Variants in TANC2 observed in about 807,000 individuals in gnomAD.
The protein encoded by TANC2 is tetratricopeptide repeat, ankyrin repeat and coiled-coil containing 2.
Under a neutral mutation model 210.5 loss-of-function variants are expected in TANC2, and 26 were observed. That is an observed-to-expected ratio of 0.12 (90% CI 0.09 to 0.17). The LOEUF (loss-of-function observed/expected upper bound fraction) is 0.17. Among genes scored for constraint, TANC2 ranks in the 10% least tolerant of loss-of-function variants. The probability of loss-of-function intolerance (pLI) is 1.00; values close to 1 mark genes in which losing one functional copy is unlikely to be tolerated. For synonymous variants in TANC2, 931 were observed against 967.1 expected (o/e 0.96, Z 0.69); for missense variants, 2,129 against 2,608.9 (o/e 0.82, Z 4.01).
intron 18 of TANC2, chr17:63,396,236 A>G: frequency 3.4e-6 from 1 of 297,560 alleles, no homozygotes; most frequent in East Asian, 7.4e-5. Flanking sequence ...ATTGAGGTGT[A>G]GTCACATGGT....
chr17:63,098,462 A>T (rs1388763968), intron 3 of TANC2, among the ~76,000 whole-genome samples: 1,686 of 42,860 alleles, frequency 0.039, 72 homozygotes, highest in African/African-American at 0.16. Context: ...ACACACACAC[A>T]CACACACACA....
In TANC2 at chr17:62,973,921, AGCC is replaced by A. The variant is rs533398823; in HGVS notation, c.-24+7173_-24+7175del. ...CATAAAGAAAGTTCCATTGGAACTT[AGCC>A]ATATTCACTTATTTACATATTGGGT... On this transcript the variant is annotated intron_variant, in intron 1 of 27. Coordinates refer to ENST00000689528, the Ensembl canonical transcript of TANC2. Among the ~76,000 whole-genome samples, 44 of 152,370 alleles carry A rather than the reference AGCC, an allele frequency of 2.9e-4. 1 individual carries two copies. The highest frequency in any genetic ancestry group is 1.5e-3 in the Admixed American group (23 of 15,310).
chr17:63,377,149 C>T (rs1174336221), intron 14 of TANC2, among the ~76,000 whole-genome samples: 1 of 152,224 alleles, frequency 6.6e-6, no homozygotes, highest in Non-Finnish European at 1.5e-5. Context: ...CCACTTTTTC[C>T]TCCTAGGCCT....
At chr17:63,371,362 A>G (rs1324667820) in intron 14 of TANC2, among the ~76,000 whole-genome samples, 2 of 151,970 alleles carry the variant, frequency 1.3e-5, no homozygotes, top group African/African-American at 4.8e-5. Flanking sequence ...GCTACTCAGG[A>G]GGCTGAGGCA....
chr17:63,159,799 G>T (rs958439817), intron 5 of TANC2, among the ~76,000 whole-genome samples: 1 of 152,152 alleles, frequency 6.6e-6, no homozygotes, highest in African/African-American at 2.4e-5. Context: ...TGGGAGGGGG[G>T]TCCTGAAATC....
intron 14 of TANC2, among the ~76,000 whole-genome samples, chr17:63,371,979 C>T (rs1052783884): frequency 6.6e-6 from 1 of 152,138 alleles, no homozygotes; most frequent in Non-Finnish European, 1.5e-5. Context: ...AGAATTTGCT[C>T]TCTGCTATCC....
exon 10 of TANC2, chr17:63,314,667 A>C: frequency 1.2e-6 from 2 of 1,612,830 alleles, no homozygotes; most frequent in Non-Finnish European, 1.7e-6. Flanking sequence ...GCCTCCCCCA[A>C]ACGTACGTAT....
intron 9 of TANC2, among the ~76,000 whole-genome samples, chr17:63,285,047 C>T (rs2044179024): frequency 6.6e-6 from 1 of 152,040 alleles, no homozygotes; most frequent in Non-Finnish European, 1.5e-5. Context: ...AACCACTCCA[C>T]CTTTCTATTA....
chr17:63,400,447 T>C (rs1004797103), intron 19 of TANC2, among the ~76,000 whole-genome samples: 10 of 152,296 alleles, frequency 6.6e-5, no homozygotes, highest in East Asian at 1.9e-4. Flanking sequence ...CCTTAAAGTA[T>C]ACAATAAATT....
chr17:63,392,540 C>T (rs562054202), intron 17 of TANC2, among the ~76,000 whole-genome samples: 40 of 152,326 alleles, frequency 2.6e-4, no homozygotes, highest in African/African-American at 9.6e-4. Context: ...CTGCCACTAT[C>T]CCCCTGAATT....
At chr17:63,012,160 G>A (rs777843138) in intron 2 of TANC2, among the ~76,000 whole-genome samples, 2 of 151,884 alleles carry the variant, frequency 1.3e-5, no homozygotes, top group Non-Finnish European at 2.9e-5. Flanking sequence ...GGGACTACAG[G>A]TGTACACCAC....
rs181322912 is a variant in TANC2, at chr17:63,358,650, G to A, written c.2582+3260G>A. On this transcript the variant is annotated intron_variant, in intron 14 of 27. Coordinates refer to ENST00000689528, the Ensembl canonical transcript of TANC2. Reference sequence around the variant, plus strand: ...AGATTAACTCACTAATTTAATAAGCGAATTCCTGCTATTATGCTAATAGTA... The same window carrying A: ...AGATTAACTCACTAATTTAATAAGCAAATTCCTGCTATTATGCTAATAGTA... 4.1e-4 allele frequency among the ~76,000 whole-genome samples: 62 copies of A among 152,064 alleles called. 1 individual carries two copies. Among genetic ancestry groups the A allele is most frequent in the Middle Eastern group, 6.8e-3 (2 of 294 alleles).
intron 7 of TANC2, among the ~76,000 whole-genome samples, chr17:63,225,098 T>G (rs1409178133): frequency 6.6e-6 from 1 of 152,222 alleles, no homozygotes; most frequent in Non-Finnish European, 1.5e-5. Context: ...TCACCTTTTC[T>G]TAATTTCATC....
intron 5 of TANC2, among the ~76,000 whole-genome samples, chr17:63,180,271 C>T (rs2040735670): frequency 6.6e-6 from 1 of 152,196 alleles, no homozygotes; most frequent in Non-Finnish European, 1.5e-5. Flanking sequence ...ATATGTTTAA[C>T]ACTCAATGGG....
chr17:63,311,010 A>C (rs965803222), intron 9 of TANC2, among the ~76,000 whole-genome samples: 1 of 152,210 alleles, frequency 6.6e-6, no homozygotes, highest in Non-Finnish European at 1.5e-5. Context: ...TCGTGAGAGG[A>C]ACTAGAGCAT....
intron 1 of TANC2, among the ~76,000 whole-genome samples, chr17:62,976,725 T>G (rs1426596878): frequency 6.6e-6 from 1 of 152,226 alleles, no homozygotes; most frequent in Non-Finnish European, 1.5e-5. Context: ...AAAAAATTAA[T>G]GTACTTTATA....
intron 14 of TANC2, among the ~76,000 whole-genome samples, chr17:63,375,687 G>C (rs1020871799): frequency 8.5e-5 from 13 of 152,214 alleles, no homozygotes; most frequent in Non-Finnish European, 1.8e-4. Flanking sequence ...GAGATCTTGA[G>C]AGTAAGATAC....
rs138642752 is a variant in TANC2, at chr17:63,028,958, T to A, written c.67+19332T>A. ...GATAAAAAGATATATGATAAAGATA[T>A]AATACTAATTTTATTTATACAAAAA... On this transcript the variant is annotated intron_variant, in intron 2 of 27. Transcript: ENST00000689528. Among the ~76,000 whole-genome samples, 331 of 152,214 alleles carry A rather than the reference T, an allele frequency of 2.2e-3. 1 individual carries two copies. The highest frequency in any genetic ancestry group is 7.7e-3 in the African/African-American group (321 of 41,576).
intron 1 of TANC2, among the ~76,000 whole-genome samples, chr17:62,991,300 G>A (rs1039056574): frequency 2.6e-5 from 4 of 152,038 alleles, no homozygotes; most frequent in Admixed American, 6.6e-5. Flanking sequence ...GACCCTCTGC[G>A]TGTGTGGGTT....
Sources: gnomAD v4.1 joint callset for allele counts (sites outside exome capture counted in the v4.1 genomes callset) on GRCh38, gnomAD v4.1.1 for gene constraint, MANE v1.5 for transcripts, NCBI Gene and HGNC (gene_info 2026-07-23, HGNC 2026-07-21) for gene names.